Variants in ZNF420 observed in about 807,000 individuals in gnomAD.
The protein encoded by ZNF420 is zinc finger protein 420, also known as ATM and p53-associated KZNF protein.
ZNF420 carries 31 observed loss-of-function variants against 44.7 expected under a neutral mutation model. That is an observed-to-expected ratio of 0.69 (90% CI 0.52 to 0.94). ZNF420 has a LOEUF of 0.94. Ranked by LOEUF, ZNF420 falls within the 40% of genes least tolerant of loss-of-function variation. The pLI is 0.00. For synonymous variants in ZNF420, 245 were observed against 267.4 expected (o/e 0.92, Z 0.82); for missense variants, 681 against 827.9 (o/e 0.82, Z 2.18).
chr19:37,034,718 A>C (rs913027625), intron 1 of ZNF420, among the ~76,000 whole-genome samples: 2 of 152,242 alleles, frequency 1.3e-5, no homozygotes, highest in Non-Finnish European at 2.9e-5. Flanking sequence ...TGAAAGTTCC[A>C]GATACAAAGA....
chr19:37,029,662 C>T (rs1358800332), intron 1 of ZNF420, among the ~76,000 whole-genome samples: 2 of 151,914 alleles, frequency 1.3e-5, no homozygotes, highest in Non-Finnish European at 2.9e-5. Flanking sequence ...GCTGGGATTA[C>T]AGGCATGTGC....
chr19:37,061,828 G>A (rs530666025), intron 1 of ZNF420, among the ~76,000 whole-genome samples: 62 of 152,260 alleles, frequency 4.1e-4, no homozygotes, highest in Non-Finnish European at 8.1e-4. Context: ...AACAATACAC[G>A]TAAGATGAGA....
intron 4 of ZNF420, among the ~76,000 whole-genome samples, chr19:37,099,561 C>A (rs549309366): frequency 2.6e-5 from 4 of 152,130 alleles, no homozygotes; most frequent in East Asian, 3.9e-4. Flanking sequence ...CTTATATATT[C>A]TTGGTATTAA....
chr19:37,011,269 C>G (rs999964954), intron 1 of ZNF420, among the ~76,000 whole-genome samples: 1 of 152,208 alleles, frequency 6.6e-6, no homozygotes, highest in Non-Finnish European at 1.5e-5. Flanking sequence ...GTTTGATGAT[C>G]CTGGAGCTCT....
At chr19:37,020,752 A>T (rs1217497297) in intron 1 of ZNF420, among the ~76,000 whole-genome samples, 1 of 152,224 alleles carries the variant, frequency 6.6e-6, no homozygotes, top group Admixed American at 6.5e-5. Context: ...TGCAACATGG[A>T]TGTTAAGAAT....
chr19:37,016,775 C>A (rs1384661842), intron 1 of ZNF420, among the ~76,000 whole-genome samples: 1 of 152,142 alleles, frequency 6.6e-6, no homozygotes, highest in African/African-American at 2.4e-5. Flanking sequence ...TACTGGGACC[C>A]CTCGGAGGAT....
At position 37,008,258 on chromosome 19, in the gene ZNF420, A is replaced by AGT. The variant is rs1482640087; in HGVS notation, c.-125+187_-125+188dup. On this transcript the variant is annotated intron_variant, in intron 1 of 4. Transcript: ENST00000587029. ...GTGTACCACTGCTGTGTGTGTGTGT[A>AGT]GTGTGTGTGTGTCTCACTTTCTTCT... 5.3e-5 allele frequency among the ~76,000 whole-genome samples: 8 copies of AGT among 150,626 alleles called. No individual in the cohort carries two copies. In the East Asian group the frequency reaches 5.9e-4, roughly 11 times the overall value.
chr19:37,049,208 T>A (rs1410229278), intron 1 of ZNF420, among the ~76,000 whole-genome samples: 1 of 152,178 alleles, frequency 6.6e-6, no homozygotes, highest in Non-Finnish European at 1.5e-5. Context: ...GCAGCATGAT[T>A]TCTAATGCTT....
intron 4 of ZNF420, chr19:37,093,286 A>C (rs10853950): frequency 6.6e-6 from 1 of 151,956 alleles, no homozygotes; most frequent in Admixed American, 6.5e-5. Context: ...GCAATGGCCC[A>C]ATCTTGGCTC....
intron 1 of ZNF420, among the ~76,000 whole-genome samples, chr19:37,014,498 T>C (rs151309077): frequency 7.2e-5 from 11 of 152,136 alleles, no homozygotes; most frequent in Non-Finnish European, 1.5e-4. Context: ...TCCACCGGGA[T>C]CCGAACACGA....
At chr19:37,010,020 G>A (rs1368742956) in intron 1 of ZNF420, among the ~76,000 whole-genome samples, 1 of 152,180 alleles carries the variant, frequency 6.6e-6, no homozygotes, top group African/African-American at 2.4e-5. Context: ...TTGTTCGAGG[G>A]GGCCTCAGCC....
At chr19:37,017,619 A>G (rs1410059487) in intron 1 of ZNF420, among the ~76,000 whole-genome samples, 2 of 152,232 alleles carry the variant, frequency 1.3e-5, no homozygotes, top group East Asian at 3.8e-4. Context: ...AAAACCATTC[A>G]TGATTTTTTA....
chr19:37,091,359 T>C (rs1969132654), intron 4 of ZNF420: 1 of 286,148 alleles, frequency 3.5e-6, no homozygotes, highest in African/African-American at 2.2e-5. Flanking sequence ...GGGCTAGATT[T>C]GAAGTTTGGG....
chr19:37,057,152 C>A (rs1321240734), intron 1 of ZNF420, among the ~76,000 whole-genome samples: 2 of 152,178 alleles, frequency 1.3e-5, no homozygotes, highest in African/African-American at 4.8e-5. Flanking sequence ...TCCACGGGGG[C>A]GACAGGAAGG....
At chr19:37,046,041 T>C (rs1025256946) in intron 1 of ZNF420, among the ~76,000 whole-genome samples, 1 of 152,120 alleles carries the variant, frequency 6.6e-6, no homozygotes, top group Non-Finnish European at 1.5e-5. Flanking sequence ...TTCACTATCA[T>C]GAGAATAGCA....
intron 2 of ZNF420, among the ~76,000 whole-genome samples, chr19:37,082,070 CTGTTTG>C (rs1182573020): frequency 6.6e-6 from 1 of 151,734 alleles, no homozygotes; most frequent in Admixed American, 6.6e-5. Flanking sequence ...TTCTTTTAAC[CTGTTTG>C]TGTTTGGTAT....
At chr19:37,087,721 C>CTGCA (rs1366574146) in intron 2 of ZNF420, among the ~76,000 whole-genome samples, 3 of 152,190 alleles carry the variant, frequency 2.0e-5, no homozygotes, top group Non-Finnish European at 2.9e-5. Flanking sequence ...TCTCGGCTCG[C>CTGCA]TGCAAGCTCC....
chr19:37,030,054 G>T (rs1217162861), intron 1 of ZNF420, among the ~76,000 whole-genome samples: 1 of 152,106 alleles, frequency 6.6e-6, no homozygotes, highest in African/African-American at 2.4e-5. Context: ...AGATGTATAG[G>T]ATTGTTCATC....
At chr19:37,016,084 C>T (rs1018952027) in intron 1 of ZNF420, among the ~76,000 whole-genome samples, 2 of 152,178 alleles carry the variant, frequency 1.3e-5, no homozygotes, top group Admixed American at 6.5e-5. Flanking sequence ...ATTCTTGAAC[C>T]GTGGGTGCTC....
Sources: gnomAD v4.1 joint callset for allele counts (sites outside exome capture counted in the v4.1 genomes callset) on GRCh38, gnomAD v4.1.1 for gene constraint, MANE v1.5 for transcripts, NCBI Gene and HGNC (gene_info 2026-07-23, HGNC 2026-07-21) for gene names.